Variants in FARP1 observed in about 807,000 individuals in gnomAD.
The protein encoded by FARP1 is FERM, ARHGEF and pleckstrin domain-containing protein 1.
FARP1 carries 52 observed loss-of-function variants against 128.8 expected under a neutral mutation model. The observed-to-expected ratio is 0.40, with a 90% CI of 0.32 to 0.51. FARP1 has a LOEUF of 0.51. Ranked by LOEUF, FARP1 falls within the 20% of genes least tolerant of loss-of-function variation. The pLI is 0.45. For synonymous variants in FARP1, 580 were observed against 551.8 expected (o/e 1.05, Z -0.72); for missense variants, 1,333 against 1,367.9 (o/e 0.97, Z 0.40).
At chr13:98,200,394 C>CA (rs1045783657) in intron 1 of FARP1, among the ~76,000 whole-genome samples, 6 of 147,126 alleles carry the variant, frequency 4.1e-5, no homozygotes, top group South Asian at 2.4e-4. Flanking sequence ...TTCACCCCCC[C>CA]CCCCTCCCCT....
chr13:98,444,765 T>C (rs1892716008), intron 24 of FARP1, among the ~76,000 whole-genome samples: 1 of 152,180 alleles, frequency 6.6e-6, no homozygotes, highest in African/African-American at 2.4e-5. Flanking sequence ...TGAACCCCAC[T>C]GTGGGCTGGC....
At chr13:98,246,159 A>G (rs866160215) in intron 2 of FARP1, among the ~76,000 whole-genome samples, 344 of 120,578 alleles carry the variant, frequency 2.9e-3, no homozygotes, top group African/African-American at 0.01. Flanking sequence ...CAGTGGCGCA[A>G]TCTCGGCTCA....
intron 2 of FARP1, among the ~76,000 whole-genome samples, chr13:98,314,015 A>G (rs1297369448): frequency 2.0e-5 from 3 of 152,188 alleles, no homozygotes; most frequent in African/African-American, 4.8e-5. Flanking sequence ...TGCCCAAGCT[A>G]CAGGTCCCTC....
At chr13:98,421,113 A>T (rs9582229) in intron 16 of FARP1, among the ~76,000 whole-genome samples, 27,957 of 152,132 alleles carry the variant, frequency 0.18, 2,757 homozygotes, top group Middle Eastern at 0.26. Flanking sequence ...CCTCTTTACA[A>T]TTAGGGATTT....
At chr13:98,254,320 G>C (rs1372321168) in intron 2 of FARP1, among the ~76,000 whole-genome samples, 1 of 152,190 alleles carries the variant, frequency 6.6e-6, no homozygotes, top group Non-Finnish European at 1.5e-5. Flanking sequence ...ATGGGATTCT[G>C]AACAAATTTC....
intron 2 of FARP1, among the ~76,000 whole-genome samples, chr13:98,300,497 G>C (rs1210968238): frequency 6.6e-6 from 1 of 152,184 alleles, no homozygotes; most frequent in Non-Finnish European, 1.5e-5. Flanking sequence ...TTGATTTCCA[G>C]GGAAAATGTT....
At chr13:98,385,978 A>G in intron 8 of FARP1, 164 bp downstream of exon 8, 1 of 658,302 alleles carries the variant, frequency 1.5e-6, no homozygotes, top group Non-Finnish European at 2.5e-6. Flanking sequence ...CCAGGCCCTC[A>G]GCTCCCAGAT....
At chr13:98,201,201 G>A (rs1252549495) in intron 1 of FARP1, among the ~76,000 whole-genome samples, 1 of 152,198 alleles carries the variant, frequency 6.6e-6, no homozygotes, top group African/African-American at 2.4e-5. Flanking sequence ...CCAGCACTTC[G>A]GGAGGCCAAG....
intron 2 of FARP1, among the ~76,000 whole-genome samples, chr13:98,246,852 C>T (rs1252783261): frequency 6.6e-6 from 1 of 152,194 alleles, no homozygotes; most frequent in Non-Finnish European, 1.5e-5. Context: ...GTTCCTTGAG[C>T]CCATGGATTC....
chr13:98,328,335 G>A (rs1039961380), intron 2 of FARP1: 29 of 152,130 alleles, frequency 1.9e-4, no homozygotes, highest in Admixed American at 1.3e-4. Context: ...GTTACTCTGG[G>A]GTCCCCTTGG....
intron 2 of FARP1, among the ~76,000 whole-genome samples, chr13:98,215,763 C>T (rs1254506176): frequency 6.6e-6 from 1 of 151,886 alleles, no homozygotes; most frequent in Non-Finnish European, 1.5e-5. Flanking sequence ...TGTTCGTTTT[C>T]ACATGTCTCC....
chr13:98,210,413 C>T, intron 1 of FARP1, among the ~76,000 whole-genome samples: 1 of 152,178 alleles, frequency 6.6e-6, no homozygotes, highest in Non-Finnish European at 1.5e-5. Flanking sequence ...AGCTCCCAGA[C>T]AGGACAACCC....
chr13:98,160,294 T>C (rs1451741594), intron 1 of FARP1, among the ~76,000 whole-genome samples: 1 of 152,184 alleles, frequency 6.6e-6, no homozygotes, highest in African/African-American at 2.4e-5. Flanking sequence ...GTGTGTGCTG[T>C]AGGCGTGATG....
chr13:98,261,470 C>T (rs149280958), intron 2 of FARP1, among the ~76,000 whole-genome samples: 1 of 152,246 alleles, frequency 6.6e-6, no homozygotes, highest in Non-Finnish European at 1.5e-5. Context: ...AGATCACATT[C>T]CTCTCTATAG....
intron 2 of FARP1, among the ~76,000 whole-genome samples, chr13:98,280,074 G>A (rs1023440009): frequency 1.3e-5 from 2 of 152,064 alleles, no homozygotes; most frequent in African/African-American, 4.8e-5. Flanking sequence ...CATGCATGTC[G>A]CCTCCATTTC....
Position 98,265,636 on chromosome 13 carries a change from C to T in FARP1, c.171+52223C>T, listed in dbSNP as rs560703515. ...GCCCAGCCCTTCCTGAATTTATATA[C>T]GACATGTGAGATCATATCCAGCTGT... On this transcript the variant is annotated intron_variant, in intron 2 of 26. Transcript: ENST00000319562. Among the ~76,000 whole-genome samples the T allele has an allele frequency of 8.9e-4, 135 of 152,222 alleles. 1 individual carries two copies. The highest frequency in any genetic ancestry group is 1.6e-3 in the Non-Finnish European group (112 of 68,014).
Position 98,409,485 on chromosome 13 carries a change from C to A in FARP1, c.1562C>A (p.Ala521Asp). 6.2e-7 allele frequency: 1 copy of A among 1,613,768 alleles called. No individual in the cohort carries two copies. Among genetic ancestry groups the A allele is most frequent in the South Asian group, 1.1e-5 (1 of 91,024 alleles). The change falls in exon 14 of 27, where the codon GCC becomes GAC. Residue 521 changes from alanine to aspartate, a missense_variant. Around this residue, in one of 2 missense-constraint regions of FARP1, gnomAD observed 1,009 missense variants for 969.8 expected, o/e 1.04. Coordinates refer to ENST00000319562, the MANE Select transcript of FARP1 (RefSeq NM_005766.4). ...ATCAGCCCGCTGCTGAATGACCAGG[C>A]CTGCCCCCGGACGGACGATGAGGAT... ...PLISPLLNDQ[A>D]CPRTDDEDEG...
At chr13:98,364,085 G>A (rs561073428) in intron 3 of FARP1, among the ~76,000 whole-genome samples, 118 of 152,270 alleles carry the variant, frequency 7.7e-4, no homozygotes, top group Non-Finnish European at 1.5e-3. Flanking sequence ...TCATAATGAT[G>A]TACATTATTC....
chr13:98,300,538 T>C (rs1024612631), intron 2 of FARP1, among the ~76,000 whole-genome samples: 1 of 152,190 alleles, frequency 6.6e-6, no homozygotes, highest in African/African-American at 2.4e-5. Context: ...TATAAACATA[T>C]ACAAAATGTG....
Sources: allele counts gnomAD v4.1 joint callset (sites outside exome capture counted in the v4.1 genomes callset), GRCh38; gene constraint gnomAD v4.1.1; regional missense constraint gnomAD v4.1.1; transcripts MANE v1.5; gene names NCBI Gene and HGNC (gene_info 2026-07-23, HGNC 2026-07-21).